WWOX: variants seen among roughly 807,000 people sequenced by gnomAD.
WWOX encodes WW domain-containing oxidoreductase.
Under a neutral mutation model 46.2 loss-of-function variants are expected in WWOX, and 69 were observed. That is an observed-to-expected ratio of 1.49 (90% confidence interval 1.23 to 1.82). WWOX has a LOEUF of 1.82. WWOX is among the 40% of genes most tolerant of loss of function. WWOX has a pLI of 0.00. For synonymous variants in WWOX, 359 were observed against 202.6 expected (o/e 1.77, Z -6.56); for missense variants, 919 against 542.6 (o/e 1.69, Z -6.89).
chr16:78,724,013 G>T (rs565403338), intron 8 of WWOX, among the ~76,000 whole-genome samples: 18 of 152,190 alleles, frequency 1.2e-4, no homozygotes, highest in Non-Finnish European at 2.9e-5. Context: ...AGGAGCGGGA[G>T]AGGATGCATA....
At position 78,115,926 on chromosome 16, in the gene WWOX, T is replaced by G. The variant is rs116354472; in HGVS notation, c.409+772T>G. Among the ~76,000 whole-genome samples, 1,012 of 152,328 alleles carry G rather than the reference T, an allele frequency of 6.6e-3. 11 individuals carry two copies. Among genetic ancestry groups the G allele is most frequent in the African/African-American group, 0.023 (965 of 41,564 alleles). ...GTCTTCTGTCAAGTTCTCTCTGTCCTTTTGGTCCCCCGCAGCCCTCACACG... is the reference window on the plus strand; with the variant it reads ...GTCTTCTGTCAAGTTCTCTCTGTCCGTTTGGTCCCCCGCAGCCCTCACACG... On this transcript the variant is annotated intron_variant, in intron 4 of 8. Coordinates refer to ENST00000566780, the MANE Select transcript of WWOX (RefSeq NM_016373.4).
At chr16:78,854,642 G>T (rs1378062310) in intron 8 of WWOX, among the ~76,000 whole-genome samples, 2 of 152,096 alleles carry the variant, frequency 1.3e-5, no homozygotes, top group African/African-American at 2.4e-5. Context: ...GTGCAGTGGC[G>T]CGATCTCAGC....
chr16:78,460,459 T>A (rs2738652), intron 8 of WWOX, among the ~76,000 whole-genome samples: 79,239 of 152,050 alleles, frequency 0.52, 24,777 homozygotes, highest in African/African-American at 0.87. Context: ...AGTCTACTCT[T>A]TGTCCTTTTC....
At chr16:78,589,434 C>G (rs1046587248) in intron 8 of WWOX, among the ~76,000 whole-genome samples, 2 of 152,068 alleles carry the variant, frequency 1.3e-5, no homozygotes, top group East Asian at 3.9e-4. Context: ...GGGGCTGATG[C>G]CTTCTTTCAC....
chr16:79,005,280 C>T (rs533221081), intron 8 of WWOX, among the ~76,000 whole-genome samples: 3 of 152,152 alleles, frequency 2.0e-5, no homozygotes, highest in African/African-American at 7.2e-5. Flanking sequence ...TCCAAGGTTC[C>T]TTGATGACCC....
At chr16:78,648,638 C>T (rs2046898501) in intron 8 of WWOX, among the ~76,000 whole-genome samples, 1 of 152,200 alleles carries the variant, frequency 6.6e-6, no homozygotes, top group Admixed American at 6.5e-5. Flanking sequence ...ATATGCTCCC[C>T]AAACCAATCA....
intron 8 of WWOX, among the ~76,000 whole-genome samples, chr16:78,850,142 CTG>C (rs1491332199): frequency 6.6e-6 from 1 of 151,744 alleles, no homozygotes; most frequent in Non-Finnish European, 1.5e-5. Flanking sequence ...CTACCAGTTT[CTG>C]TGTGTGTGAG....
At chr16:78,180,150 T>G (rs1428673920) in intron 5 of WWOX, among the ~76,000 whole-genome samples, 1 of 152,240 alleles carries the variant, frequency 6.6e-6, no homozygotes, top group East Asian at 1.9e-4. Context: ...CAGTCTATTA[T>G]GTTAAACGTA....
chr16:79,022,405 T>C (rs1234546775), intron 8 of WWOX, among the ~76,000 whole-genome samples: 1 of 151,862 alleles, frequency 6.6e-6, no homozygotes, highest in Non-Finnish European at 1.5e-5. Context: ...TATCTGTTAT[T>C]TCTTGGACAT....
intron 8 of WWOX, among the ~76,000 whole-genome samples, chr16:79,046,567 A>G (rs897095115): frequency 2.8e-4 from 42 of 152,272 alleles, no homozygotes; most frequent in African/African-American, 9.1e-4. Flanking sequence ...GAAGAGGGTG[A>G]GAGAGCTCAC....
chr16:78,418,469 C>G (rs28428622), intron 6 of WWOX, among the ~76,000 whole-genome samples: 24,563 of 151,842 alleles, frequency 0.16, 3,528 homozygotes, highest in African/African-American at 0.38. Context: ...GCCACTATTA[C>G]TCTGACAACA....
chr16:78,756,950 C>G (rs1321505383), intron 8 of WWOX: 2 of 703,020 alleles, frequency 2.8e-6, no homozygotes, highest in East Asian at 2.7e-5. Context: ...GAAAAGCCAG[C>G]TGCCATGTTG....
At chr16:78,704,840 A>C (rs1014040714) in intron 8 of WWOX, among the ~76,000 whole-genome samples, 1 of 151,994 alleles carries the variant, frequency 6.6e-6, no homozygotes, top group East Asian at 1.9e-4. Flanking sequence ...CAGAGCATTG[A>C]CATTACGTGG....
chr16:78,151,945 C>A (rs561279041), intron 4 of WWOX, among the ~76,000 whole-genome samples: 1 of 152,218 alleles, frequency 6.6e-6, no homozygotes, highest in African/African-American at 2.4e-5. Flanking sequence ...AATCCCAGCA[C>A]TTTGGGAGGC....
chr16:78,249,317 A>C (rs1194224880), intron 5 of WWOX, among the ~76,000 whole-genome samples: 1 of 151,956 alleles, frequency 6.6e-6, no homozygotes, highest in African/African-American at 2.4e-5. Context: ...TCGCTGATGC[A>C]CTCTCATTCC....
rs1312510663 is a variant in WWOX at position 78,619,140 on chromosome 16, AAAATATATATATATATATATATAT to A, written c.1056+186390_1056+186413del. ...GCAAAACCCCATTTCTACTAAAAAAAAAATATATATATATATATATATATATATATATATATATATATATATATA... is the reference window on the plus strand; with the variant it reads ...GCAAAACCCCATTTCTACTAAAAAAAATATATATATATATATATATATATA... On this transcript the variant is annotated intron_variant, in intron 8 of 8. Transcript: ENST00000566780. Among the ~76,000 whole-genome samples, 12 of 11,772 alleles carry A rather than the reference AAAATATATATATATATATATATAT, an allele frequency of 1.0e-3. 3 individuals carry two copies. Among genetic ancestry groups the A allele is most frequent in the East Asian group, 4.7e-3 (2 of 426 alleles). 7.7% of individuals were successfully genotyped at this position (11,772 alleles called of 152,430 possible).
chr16:78,623,074 C>T (rs531311161), intron 8 of WWOX, among the ~76,000 whole-genome samples: 18 of 151,998 alleles, frequency 1.2e-4, no homozygotes, highest in Admixed American at 4.6e-4. Context: ...AGGTGATTGA[C>T]CATCCCCAGT....
chr16:78,842,016 A>T (rs1300047194), intron 8 of WWOX, among the ~76,000 whole-genome samples: 1 of 152,188 alleles, frequency 6.6e-6, no homozygotes, highest in Non-Finnish European at 1.5e-5. Context: ...CACACTATAA[A>T]GGTGAATGGT....
At chr16:78,574,873 C>G (rs940396713) in intron 8 of WWOX, among the ~76,000 whole-genome samples, 3 of 148,504 alleles carry the variant, frequency 2.0e-5, no homozygotes, top group African/African-American at 7.4e-5. Flanking sequence ...TTCTGGAGAT[C>G]TAATGTACAG....
Sources: gnomAD v4.1 joint callset for allele counts (sites outside exome capture counted in the v4.1 genomes callset) on GRCh38, gnomAD v4.1.1 for gene constraint, MANE v1.5 for transcripts, NCBI Gene and HGNC (gene_info 2026-07-23, HGNC 2026-07-21) for gene names.